Variants in EYS observed in about 807,000 individuals in gnomAD.
EYS encodes protein eyes shut homolog.
Under a neutral mutation model 282.1 loss-of-function variants are expected in EYS, and 250 were observed. The ratio of observed to expected loss-of-function variants is 0.89; its 90% confidence interval spans 0.80 to 0.98. The LOEUF (loss-of-function observed/expected upper bound fraction) is 0.98. Ranked by LOEUF, EYS falls within the 50% of genes least tolerant of loss-of-function variation. The probability of loss-of-function intolerance (pLI) is 0.00; values close to 1 mark genes in which losing one functional copy is unlikely to be tolerated. For synonymous variants in EYS, 1,355 were observed against 1,282.9 expected, an observed-to-expected ratio of 1.06 and a Z score of -1.20; for missense variants, 4,016 against 3,709.0, an observed-to-expected ratio of 1.08 and a Z score of -2.15.
At chr6:65,388,723 G>A (rs1765892236) in intron 7 of EYS, among the ~76,000 whole-genome samples, 1 of 151,914 alleles carries the variant, frequency 6.6e-6, no homozygotes, top group East Asian at 1.9e-4. Flanking sequence ...ATTAATGCAC[G>A]GGAACCCCCT....
intron 12 of EYS, among the ~76,000 whole-genome samples, chr6:65,132,779 T>C (rs1246382780): frequency 2.0e-5 from 3 of 152,052 alleles, no homozygotes; most frequent in Non-Finnish European, 2.9e-5. Flanking sequence ...ACTATCATTG[T>C]TAGCAGTCAA....
intron 22 of EYS, among the ~76,000 whole-genome samples, chr6:64,721,162 C>T (rs1028096948): frequency 1.3e-5 from 2 of 152,126 alleles, no homozygotes; most frequent in Non-Finnish European, 2.9e-5. Context: ...ACACAAATAT[C>T]TGTCTTTATG....
At chr6:64,780,625 T>C (rs76202913) in intron 22 of EYS, among the ~76,000 whole-genome samples, 1,580 of 152,254 alleles carry the variant, frequency 0.01, 10 homozygotes, top group Middle Eastern at 0.02. Flanking sequence ...TTATGCAATA[T>C]ATCCACGTAA....
chr6:63,799,797 C>T (rs866211569), intron 37 of EYS, among the ~76,000 whole-genome samples: 68 of 152,098 alleles, frequency 4.5e-4, no homozygotes, highest in African/African-American at 1.6e-3. Context: ...GCTATGTAGG[C>T]TTTGTGTAGG....
At chr6:64,619,507 G>A (rs1767379668) in intron 23 of EYS, among the ~76,000 whole-genome samples, 1 of 152,086 alleles carries the variant, frequency 6.6e-6, no homozygotes, top group Non-Finnish European at 1.5e-5. Context: ...GGGGATGTTT[G>A]GGTGGGTGGG....
chr6:65,607,755 C>T (rs1389553223), intron 2 of EYS, among the ~76,000 whole-genome samples: 4 of 151,834 alleles, frequency 2.6e-5, no homozygotes, highest in Non-Finnish European at 4.4e-5. Context: ...AAACCACACA[C>T]ATACATTATG....
At chr6:64,504,388 C>T (rs1777147858) in intron 26 of EYS, among the ~76,000 whole-genome samples, 1 of 152,116 alleles carries the variant, frequency 6.6e-6, no homozygotes, top group African/African-American at 2.4e-5. Context: ...ATATAAGAAC[C>T]CATCTGACAA....
chr6:65,678,457 A>T (rs1768703427), intron 1 of EYS, among the ~76,000 whole-genome samples: 2 of 152,074 alleles, frequency 1.3e-5, no homozygotes, highest in Admixed American at 6.6e-5. Context: ...AAATTAACTC[A>T]AAATAGATTA....
chr6:63,921,195 A>G (rs1764565496), intron 35 of EYS, among the ~76,000 whole-genome samples: 1 of 152,134 alleles, frequency 6.6e-6, no homozygotes, highest in African/African-American at 2.4e-5. Context: ...CGCGCCGGCC[A>G]TGGGCTGTCT....
intron 35 of EYS, among the ~76,000 whole-genome samples, chr6:63,881,702 C>T (rs1204637108): frequency 6.6e-6 from 1 of 151,940 alleles, no homozygotes; most frequent in Non-Finnish European, 1.5e-5. Context: ...AAATATTAAC[C>T]TTTAGCCTGA....
chr6:65,526,074 C>A (rs780899384), intron 2 of EYS, among the ~76,000 whole-genome samples: 2 of 152,068 alleles, frequency 1.3e-5, no homozygotes, highest in Non-Finnish European at 2.9e-5. Context: ...TGGTGAGAGC[C>A]GTGTCCTAAC....
At chr6:64,224,335 T>C (rs1766193624) in intron 31 of EYS, among the ~76,000 whole-genome samples, 1 of 152,060 alleles carries the variant, frequency 6.6e-6, no homozygotes, top group African/African-American at 2.4e-5. Context: ...ATCCTTTCTA[T>C]ATTCTACTCT....
chr6:65,398,747 T>C (rs1000468504), intron 7 of EYS, among the ~76,000 whole-genome samples: 1 of 152,130 alleles, frequency 6.6e-6, no homozygotes, highest in African/African-American at 2.4e-5. Flanking sequence ...ACATACTTGA[T>C]ATCTACTTCA....
At chr6:64,075,901 G>A (rs1282887618) in intron 32 of EYS, among the ~76,000 whole-genome samples, 1 of 151,884 alleles carries the variant, frequency 6.6e-6, no homozygotes, top group East Asian at 1.9e-4. Context: ...TCTAGGTCAA[G>A]GGTTGGCAAT....
intron 5 of EYS, among the ~76,000 whole-genome samples, chr6:65,457,916 T>C (rs1034356421): frequency 1.3e-5 from 2 of 152,148 alleles, no homozygotes; most frequent in Non-Finnish European, 2.9e-5. Flanking sequence ...GCTCAGCAAG[T>C]ACAAAATTAG....
At chr6:65,440,634 A>G (rs2150391806) in intron 5 of EYS, among the ~76,000 whole-genome samples, 1 of 151,312 alleles carries the variant, frequency 6.6e-6, no homozygotes, top group South Asian at 2.1e-4. Context: ...TCCTCCATAA[A>G]CATCCTCATA....
chr6:64,092,441 A>G (rs370836489), intron 31 of EYS, among the ~76,000 whole-genome samples: 14,809 of 151,460 alleles, frequency 0.098, 1,239 homozygotes, highest in African/African-American at 0.24. Context: ...AATGATTGCC[A>G]TTCTAACTGG....
intron 31 of EYS, among the ~76,000 whole-genome samples, chr6:64,145,466 T>G (rs1774482979): frequency 6.7e-6 from 1 of 149,974 alleles, no homozygotes; most frequent in Non-Finnish European, 1.5e-5. Flanking sequence ...TTGAAAAGAC[T>G]GCCACTTTAT....
intron 29 of EYS, among the ~76,000 whole-genome samples, chr6:64,318,679 CA>C (rs1770077284): frequency 6.6e-6 from 1 of 151,598 alleles, no homozygotes; most frequent in Non-Finnish European, 1.5e-5. Flanking sequence ...ATGCCTTTTC[CA>C]AACAAATTTT....
Sources: allele counts gnomAD v4.1 joint callset (sites outside exome capture counted in the v4.1 genomes callset), GRCh38; gene constraint gnomAD v4.1.1; transcripts MANE v1.5; gene names NCBI Gene and HGNC (gene_info 2026-07-23, HGNC 2026-07-21).